The following PSTPIP1 variants were observed in gnomAD, a reference collection of about 807,000 sequenced individuals.
PSTPIP1 encodes the protein proline-serine-threonine phosphatase-interacting protein 1.
A neutral mutation model predicts 69.6 loss-of-function variants in PSTPIP1; 66 were observed. The observed-to-expected ratio is 0.95, with a 90% CI of 0.78 to 1.16. PSTPIP1 has a LOEUF of 1.16. Among genes scored for constraint, PSTPIP1 ranks in the 50% most tolerant of loss-of-function variants. The pLI is 0.00. For synonymous variants in PSTPIP1, 266 were observed against 222.7 expected (o/e 1.19, Z -1.73); for missense variants, 603 against 557.4 (o/e 1.08, Z -0.82).
chr15:77,006,815 A>G (rs2075823396), intron 1 of PSTPIP1, among the ~76,000 whole-genome samples: 1 of 152,184 alleles, frequency 6.6e-6, no homozygotes, highest in Non-Finnish European at 1.5e-5. Context: ...GTCTGTCCTT[A>G]TGACACTACC....
intron 3 of PSTPIP1, chr15:77,024,258 G>C (rs1596101375): frequency 6.6e-6 from 1 of 152,232 alleles, no homozygotes; most frequent in East Asian, 1.9e-4. Context: ...ACCTCACTTT[G>C]GGATCCACGA....
intron 10 of PSTPIP1, 104 bp from the exon 11 acceptor site, chr15:77,032,194 T>C (rs2076434214): frequency 1.7e-6 from 2 of 1,148,268 alleles, no homozygotes; most frequent in African/African-American, 1.5e-5. Context: ...CCGCGCACAA[T>C]GGCCTGTGAG....
At position 77,037,332 on chromosome 15, in the gene PSTPIP1, CCTT is replaced by C. The variant is rs2076606256; in HGVS notation, c.*157_*159del. 1 of 693,398 alleles carries C rather than the reference CCTT, an allele frequency of 1.4e-6. No homozygotes were observed. Among genetic ancestry groups the C allele is most frequent in the Non-Finnish European group, 2.1e-6 (1 of 480,814 alleles). The allele number at this position is 693,398 out of a possible 1,614,324, so 43.0% of individuals were successfully genotyped here. On this transcript the variant is annotated 3_prime_UTR_variant, in exon 15 of 15. Coordinates refer to ENST00000558012, the MANE Select transcript of PSTPIP1 (RefSeq NM_003978.5). ...GGAATAAAGGAGTGCGTTCTGTTCTCCTTGGTGTGCTGGGGTCCCGTTCTCTTT... is the reference window on the plus strand; with the variant it reads ...GGAATAAAGGAGTGCGTTCTGTTCTCGGTGTGCTGGGGTCCCGTTCTCTTT...
At chr15:77,008,060 G>C (rs761148953) in intron 1 of PSTPIP1, 9 of 456,420 alleles carry the variant, frequency 2.0e-5, no homozygotes, top group Non-Finnish European at 4.0e-5. Context: ...GCTGAGGATG[G>C]TTCAGGCAAG....
chr15:77,032,272 G>A, intron 10 of PSTPIP1, 26 bp from the exon 11 acceptor site: 1 of 1,609,020 alleles, frequency 6.2e-7, no homozygotes, highest in East Asian at 2.2e-5. Flanking sequence ...GCATCGGGCT[G>A]CGGCCTCTGC....
At chr15:77,036,206 CTG>C (rs1484135668) in intron 14 of PSTPIP1, among the ~76,000 whole-genome samples, 1 of 152,140 alleles carries the variant, frequency 6.6e-6, no homozygotes, top group Non-Finnish European at 1.5e-5. Context: ...TGCAGCAGGC[CTG>C]TGTCTGCCCG....
chr15:77,028,540 C>A lies in PSTPIP1; in HGVS notation c.418-14C>A. 6.3e-7 allele frequency: 1 copy of A among 1,589,706 alleles called. No homozygotes were observed. The highest frequency in any genetic ancestry group is 1.3e-5 in the African/African-American group (1 of 74,354). ...GCTGTGCAGCCCCCAAGTCACGCCCCTCCACACCCCCAGTCCAAGAAGACA... is the reference window on the plus strand; with the variant it reads ...GCTGTGCAGCCCCCAAGTCACGCCCATCCACACCCCCAGTCCAAGAAGACA... On this transcript the variant is annotated splice_polypyrimidine_tract_variant and intron_variant, in intron 6 of 14. Coordinates refer to ENST00000558012, the MANE Select transcript of PSTPIP1 (RefSeq NM_003978.5).
At chr15:77,022,494 A>G (rs1270093683) in intron 3 of PSTPIP1, among the ~76,000 whole-genome samples, 1 of 152,230 alleles carries the variant, frequency 6.6e-6, no homozygotes, top group African/African-American at 2.4e-5. Context: ...TGTCTTCAAC[A>G]TGCGATGGAG....
chr15:77,007,696 G>A (rs949332306), intron 1 of PSTPIP1, among the ~76,000 whole-genome samples: 3 of 151,506 alleles, frequency 2.0e-5, no homozygotes, highest in African/African-American at 4.8e-5. Flanking sequence ...CTGGGTTCAC[G>A]CCATTCTCCT....
chr15:76,996,641 C>T (rs2075587031), intron 1 of PSTPIP1, among the ~76,000 whole-genome samples: 1 of 152,244 alleles, frequency 6.6e-6, no homozygotes, highest in African/African-American at 2.4e-5. Context: ...CCACTTGGGG[C>T]CTGTGGCCAG....
intron 3 of PSTPIP1, among the ~76,000 whole-genome samples, chr15:77,021,090 G>A (rs779595119): frequency 6.6e-5 from 10 of 152,190 alleles, no homozygotes; most frequent in Non-Finnish European, 1.5e-4. Flanking sequence ...GGTGCAGAAC[G>A]AGGACAAAAG....
At chr15:77,025,203 C>A in intron 3 of PSTPIP1, 81 bp from the exon 4 acceptor site, 1 of 1,463,334 alleles carries the variant, frequency 6.8e-7, no homozygotes, top group Non-Finnish European at 9.6e-7. Context: ...CTCCCCACTG[C>A]CCACCCCGCC....
In PSTPIP1 at chr15:77,031,038, C is replaced by T; in HGVS notation, c.643-142C>T. The T allele has an allele frequency of 3.8e-6, 3 of 784,276 alleles. No individual in the cohort carries two copies. In the East Asian group the frequency reaches 8.1e-5, roughly 21 times the overall value. 48.6% of individuals were successfully genotyped at this position (784,276 alleles called of 1,614,324 possible). A position where few individuals can be genotyped will look rare whatever the true frequency, so the allele number is the denominator to read the frequency against. On this transcript the variant is annotated intron_variant, in intron 9 of 14. Coordinates refer to ENST00000558012, the MANE Select transcript of PSTPIP1 (RefSeq NM_003978.5). ...GCTGGCCCGGAGTCGGGATGGGGAC[C>T]CCAGGGCACTCTCTCCTTTGGACTG...
rs1376530203 is a variant in PSTPIP1, at chr15:77,027,500, AGT to A, written c.355-349_355-348del. Among the ~76,000 whole-genome samples the A allele has an allele frequency of 6.6e-6, 1 of 152,100 alleles. No individual in the cohort carries two copies. The highest frequency in any genetic ancestry group is 1.5e-5 in the Non-Finnish European group (1 of 68,000). Reference sequence around the variant, plus strand: ...AACTCTGCATGTATGTGTGTGCCAGAGTGTACACACACGTGTGAGCGACTGTG... The same window carrying A: ...AACTCTGCATGTATGTGTGTGCCAGAGTACACACACGTGTGAGCGACTGTG... On this transcript the variant is annotated intron_variant, in intron 5 of 14. Coordinates refer to ENST00000558012, the MANE Select transcript of PSTPIP1 (RefSeq NM_003978.5). This position sits in a 1 kb window ranked among gnomAD's most constrained non-coding sequence, Gnocchi z 4.3.
rs201788590 is a variant in PSTPIP1, at chr15:77,036,983, C to CTCCCTGCAGGCCCT, written c.1120-44_1120-31dup. On this transcript the variant is annotated intron_variant, in intron 14 of 14. Coordinates refer to ENST00000558012, the MANE Select transcript of PSTPIP1 (RefSeq NM_003978.5). Reference sequence around the variant, plus strand: ...TGCTGGGTGGGGGAACGCCAGGCCCCTCCCTGCAGGCCCTTCCCTGCAGGC... The same window carrying CTCCCTGCAGGCCCT: ...TGCTGGGTGGGGGAACGCCAGGCCCCTCCCTGCAGGCCCTTCCCTGCAGGCCCTTCCCTGCAGGC... 1.3e-4 allele frequency: 208 copies of CTCCCTGCAGGCCCT among 1,581,654 alleles called. 2 individuals are homozygous for CTCCCTGCAGGCCCT. Among genetic ancestry groups the CTCCCTGCAGGCCCT allele is most frequent in the South Asian group, 9.7e-4 (86 of 88,948 alleles).
chr15:77,025,698 G>T, intron 5 of PSTPIP1, 94 bp downstream of exon 5: 1 of 968,570 alleles, frequency 1.0e-6, no homozygotes, highest in Non-Finnish European at 1.5e-6. Flanking sequence ...GGTAGAGCCA[G>T]TGGAGGGCGG....
chr15:77,028,060 G>A (rs2076325077), intron 6 of PSTPIP1, 146 bp downstream of exon 6: 1 of 775,070 alleles, frequency 1.3e-6, no homozygotes, highest in African/African-American at 1.7e-5. Flanking sequence ...GGGCGCACCA[G>A]CCTGCGGGGC....
intron 3 of PSTPIP1, among the ~76,000 whole-genome samples, chr15:77,020,014 G>T (rs1350937876): frequency 6.6e-6 from 1 of 152,166 alleles, no homozygotes; most frequent in Non-Finnish European, 1.5e-5. Flanking sequence ...GGTGGAGAGG[G>T]TGGCCCCAGC....
Position 77,027,994 on chromosome 15 carries a change from C to T in PSTPIP1, c.417+80C>T. On this transcript the variant is annotated intron_variant, in intron 6 of 14. Coordinates refer to ENST00000558012, the MANE Select transcript of PSTPIP1 (RefSeq NM_003978.5). This position sits in a 1 kb window ranked among gnomAD's most constrained non-coding sequence, Gnocchi z 4.3. Reference sequence around the variant, plus strand: ...AGGGTGCGATCCTGGGCTGTGGCCCCGGGCAGGGCATTTGGAACAGGCTGA... The same window carrying T: ...AGGGTGCGATCCTGGGCTGTGGCCCTGGGCAGGGCATTTGGAACAGGCTGA... 7.7e-7 allele frequency: 1 copy of T among 1,290,358 alleles called. No individual in the cohort carries two copies. 79.9% of individuals were successfully genotyped at this position (1,290,358 alleles called of 1,614,324 possible).
Sources: gnomAD v4.1 joint callset for allele counts (sites outside exome capture counted in the v4.1 genomes callset) on GRCh38, gnomAD v4.1.1 for gene constraint, Gnocchi (gnomAD v3.1) non-coding constraint, MANE v1.5 for transcripts, NCBI Gene and HGNC (gene_info 2026-07-23, HGNC 2026-07-21) for gene names.